PKHD1L1: variants seen among roughly 807,000 people sequenced by gnomAD.
PKHD1L1 encodes the protein PKHD1 like 1, also known as fibrocystin-L.
Under a neutral mutation model 462.9 loss-of-function variants are expected in PKHD1L1, and 434 were observed. The ratio of observed to expected loss-of-function variants is 0.94; its 90% CI spans 0.87 to 1.02. PKHD1L1 has a LOEUF of 1.02. Among genes scored for constraint, PKHD1L1 ranks in the 50% least tolerant of loss-of-function variants. The probability of loss-of-function intolerance (pLI) is 0.00; values close to 1 mark genes in which losing one functional copy is unlikely to be tolerated. For missense variants in PKHD1L1, 5,202 were observed against 5,096.1 expected (o/e 1.02, Z -0.63); for synonymous variants, 1,781 against 1,750.0 (o/e 1.02, Z -0.44).
Position 109,444,875 on chromosome 8 carries a change from G to C in PKHD1L1, c.5006G>C (p.Gly1669Ala). ...ATTGACCTGGTGTTGCCAAATGCAG[G>C]ATCAACTACAGGAATGACAAGCGTG... The part of the protein sequence containing the change: ...PNIDLVLPNA[G>A]STTGMTSVTI... Residue 1669 changes from glycine to alanine, a missense_variant, in exon 38 of 78, where the codon GGA becomes GCA. By Grantham distance (60) the Gly-to-Ala change is moderately conservative. This residue lies in a region of PKHD1L1 where 4,497 missense variants were observed against 4,336.8 expected (regional missense o/e 1.04). Transcript: ENST00000378402. 1 of 1,613,976 alleles carries C rather than the reference G, an allele frequency of 6.2e-7. No individual in the cohort carries two copies. Among genetic ancestry groups the C allele is most frequent in the Non-Finnish European group, 8.5e-7 (1 of 1,179,888 alleles).
chr8:109,439,057 T>A lies in PKHD1L1; in HGVS notation c.3921T>A (p.Tyr1307Ter), dbSNP rs1366462713. 6.2e-7 allele frequency: 1 copy of A among 1,613,152 alleles called. No individual in the cohort carries two copies. Among genetic ancestry groups the A allele is most frequent in the Admixed American group, 1.7e-5 (1 of 59,912 alleles). Reference sequence around the variant, plus strand: ...TGTCTCCTGGAAAACATGATATCTATGTAGAAGTCAGAAACTGGGGTTTTG... The same window carrying A: ...TGTCTCCTGGAAAACATGATATCTAAGTAGAAGTCAGAAACTGGGGTTTTG... ...PKLSPGKHDI[Y>*]VEVRNWGFAS... The change falls in exon 32 of 78, where the codon TAT becomes TAA. Residue 1307 changes from tyrosine (Y) to a stop codon, truncating the protein, a stop_gained. Transcript: ENST00000378402. LOFTEE classifies it high-confidence loss of function.
chr8:109,490,185 C>T (rs2130916853), intron 60 of PKHD1L1, 130 bp downstream of exon 60: 1 of 599,690 alleles, frequency 1.7e-6, no homozygotes, highest in East Asian at 3.1e-5. Flanking sequence ...CTTTCTTGGC[C>T]CATTAACTTT....
In PKHD1L1 at chr8:109,367,115, C is replaced by T. The variant is rs181344866; in HGVS notation, c.163+2479C>T. On this transcript the variant is annotated intron_variant, in intron 2 of 77. Transcript: ENST00000378402. ...GTGGTTTAAAATAAATTAATAAATGCTATTTTAATGTAGGCTTTTGGGTGC... is the reference window on the plus strand; with the variant it reads ...GTGGTTTAAAATAAATTAATAAATGTTATTTTAATGTAGGCTTTTGGGTGC... 4.8e-3 allele frequency among the ~76,000 whole-genome samples: 738 copies of T among 152,220 alleles called. 8 individuals carry two copies. The highest frequency in any genetic ancestry group is 7.1e-3 in the Non-Finnish European group (482 of 67,998).
chr8:109,491,847 C>CTTTCTTTA, intron 61 of PKHD1L1, 26 bp from the exon 62 acceptor site: 1 of 1,529,162 alleles, frequency 6.5e-7, no homozygotes, highest in Non-Finnish European at 8.8e-7. Context: ...TGGGGATTTT[C>CTTTCTTTA]TTTCTTTTTT....
chr8:109,475,037 A>G, intron 50 of PKHD1L1, 81 bp from the exon 51 acceptor site: 1 of 1,328,522 alleles, frequency 7.5e-7, no homozygotes, highest in Non-Finnish European at 1.0e-6. Context: ...AACTAAACTA[A>G]CTTTTGCACT....
chr8:109,410,169 G>A (rs1435347846), intron 19 of PKHD1L1, among the ~76,000 whole-genome samples, 191 bp downstream of exon 19: 1 of 152,100 alleles, frequency 6.6e-6, no homozygotes, highest in Non-Finnish European at 1.5e-5. Context: ...TCTATGATTC[G>A]TTTGTTAAAA....
intron 33 of PKHD1L1, 51 bp from the exon 34 acceptor site, chr8:109,441,224 A>T (rs1815771751): frequency 3.1e-6 from 4 of 1,284,014 alleles, no homozygotes; most frequent in East Asian, 2.6e-5. Flanking sequence ...ACAAAAAAAA[A>T]TTTGACAAAA....
At chr8:109,470,773 T>G (rs932667347) in intron 50 of PKHD1L1, 1 of 1,531,160 alleles carries the variant, frequency 6.5e-7, no homozygotes, top group Non-Finnish European at 8.9e-7. Flanking sequence ...GGACTGTTTT[T>G]TCATAAATCA....
At position 109,486,753 on chromosome 8, in the gene PKHD1L1, G is replaced by A. The variant is rs1466289048; in HGVS notation, c.9812G>A (p.Trp3271Ter). The change falls in exon 59 of 78, where the codon TGG (tryptophan) becomes TAG (stop). Residue 3271 changes from tryptophan (W) to a stop codon, truncating the protein, a stop_gained. Transcript: ENST00000378402. LOFTEE classifies it high-confidence loss of function. ...ATAGTTGGTGAAGATTACCCCGGTT[G>A]GTCTGAGGACTCTTTTGGAGCACGC... is the stretch of plus-strand genomic sequence containing the variant. ...IKIVGEDYPG[W>*]SEDSFGARVL... 2 of 1,612,472 alleles carry A rather than the reference G, an allele frequency of 1.2e-6. No homozygotes were observed. The highest frequency in any genetic ancestry group is 1.7e-6 in the Non-Finnish European group (2 of 1,178,888).
intron 77 of PKHD1L1, among the ~76,000 whole-genome samples, chr8:109,527,794 A>G (rs1820893512): frequency 6.6e-6 from 1 of 152,164 alleles, no homozygotes; most frequent in Non-Finnish European, 1.5e-5. Context: ...TCTTCATTAC[A>G]AAGGTACACA....
chr8:109,446,029 A>G (rs1563552667), intron 38 of PKHD1L1, among the ~76,000 whole-genome samples: 2 of 152,218 alleles, frequency 1.3e-5, no homozygotes, highest in Admixed American at 6.5e-5. Context: ...AGTGTTTCAG[A>G]GTACCTTATT....
At position 109,530,540 on chromosome 8, in the gene PKHD1L1, G is replaced by C. The variant is rs1821016763; in HGVS notation, c.*450G>C. 6.6e-6 allele frequency among the ~76,000 whole-genome samples: 1 copy of C among 151,916 alleles called. No homozygotes were observed. Among genetic ancestry groups the C allele is most frequent in the Admixed American group, 6.6e-5 (1 of 15,242 alleles). On this transcript the variant is annotated 3_prime_UTR_variant, in exon 78 of 78. Transcript: ENST00000378402. Reference sequence around the variant, plus strand: ...ATTTCCAATAATCTAAGCCATTCTAGTTTCTAAGGATTTTGGAGAGACGAG... The same window carrying C: ...ATTTCCAATAATCTAAGCCATTCTACTTTCTAAGGATTTTGGAGAGACGAG...
At position 109,527,028 on chromosome 8, in the gene PKHD1L1, C is replaced by T. The variant is rs781303573; in HGVS notation, c.12721+8C>T. The T allele has an allele frequency of 4.4e-6, 7 of 1,581,318 alleles. No homozygotes were observed. The Admixed American group carries it at 6.8e-5, about 15-fold the overall frequency. On this transcript the variant is annotated splice_region_variant and intron_variant, in intron 77 of 77. Transcript: ENST00000378402. ...CTTTGAATATAACTTTAAGTAAGTA[C>T]AGTCCATTAATACATTATTTCTCCA...
In PKHD1L1 at chr8:109,385,470, T is replaced by G. The variant is rs543793351; in HGVS notation, c.476-67T>G. 7.0e-6 allele frequency: 7 copies of G among 1,004,262 alleles called. No individual in the cohort carries two copies. The South Asian group carries it at 1.1e-4, about 16-fold the overall frequency. The allele number at this position is 1,004,262 out of a possible 1,614,324, so 62.2% of individuals were successfully genotyped here. On this transcript the variant is annotated intron_variant, in intron 5 of 77. Coordinates refer to ENST00000378402, the MANE Select transcript of PKHD1L1 (RefSeq NM_177531.6). ...GTTTTATTGGGAAAATCTCTTATGT[T>G]TTCGTATTAAGTGTATGGATAGATT...
chr8:109,435,410 T>C, intron 29 of PKHD1L1, 56 bp downstream of exon 29: 3 of 1,561,722 alleles, frequency 1.9e-6, no homozygotes, highest in Admixed American at 3.5e-5. Context: ...ATCAGTTCAA[T>C]GTGCTGTTTC....
chr8:109,450,172 G>A (rs1337633555), intron 40 of PKHD1L1, among the ~76,000 whole-genome samples: 7 of 152,100 alleles, frequency 4.6e-5, no homozygotes, highest in Non-Finnish European at 8.8e-5. Context: ...ATTAAATGGG[G>A]ATATTATTAA....
intron 50 of PKHD1L1, among the ~76,000 whole-genome samples, chr8:109,468,849 G>C (rs1817578412): frequency 6.6e-6 from 1 of 152,126 alleles, no homozygotes; most frequent in Non-Finnish European, 1.5e-5. Flanking sequence ...ACTCAGTGGT[G>C]GGGCTTTTGG....
chr8:109,381,400 G>C lies in PKHD1L1; in HGVS notation c.194G>C (p.Gly65Ala). The C allele has an allele frequency of 6.3e-7, 1 of 1,579,804 alleles. No homozygotes were observed. The highest frequency in any genetic ancestry group is 1.8e-5 in the Admixed American group (1 of 55,078). Residue 65 changes from glycine to alanine, a missense_variant, in exon 3 of 78, where the codon GGA becomes GCA. Gly to Ala is a moderately conservative substitution (Grantham distance 60). Around this residue, in one of 3 missense-constraint regions of PKHD1L1, gnomAD observed 4,497 missense variants for 4,336.8 expected, o/e 1.04. Transcript: ENST00000378402. ...GFSQANQFNYGVDNAELGNSV... is the reference protein window; with the variant it reads ...GFSQANQFNYAVDNAELGNSV... The stretch of plus-strand genomic sequence containing the variant: ...TCTCAAGCAAACCAGTTTAACTATG[G>C]AGTTGATAACGCTGAGTTGGGAAAC...
rs1367220291 is a variant in PKHD1L1 at position 109,519,179 on chromosome 8, T to A, written c.12031+671T>A. On this transcript the variant is annotated intron_variant, in intron 73 of 77. Coordinates refer to ENST00000378402, the MANE Select transcript of PKHD1L1 (RefSeq NM_177531.6). ...TTATTTCCTGTGACTGAGCGAATCA[T>A]CCTCACAAGCCATCATCCCCTCTCT... is the stretch of plus-strand genomic sequence containing the variant. Among the ~76,000 whole-genome samples, 7 of 152,050 alleles carry A rather than the reference T, an allele frequency of 4.6e-5. No homozygotes were observed. In the East Asian group the frequency reaches 1.4e-3, roughly 29 times the overall value.
Sources: allele counts gnomAD v4.1 joint callset (sites outside exome capture counted in the v4.1 genomes callset), GRCh38; gene constraint gnomAD v4.1.1; regional missense constraint gnomAD v4.1.1; transcripts MANE v1.5; gene names NCBI Gene and HGNC (gene_info 2026-07-23, HGNC 2026-07-21).